Variants in PCBP3 observed in about 807,000 individuals in gnomAD.
The protein encoded by PCBP3 is poly(rC)-binding protein 3.
A neutral mutation model predicts 52.7 loss-of-function variants in PCBP3; 25 were observed. The observed-to-expected ratio is 0.47, with a 90% CI of 0.35 to 0.66. The LOEUF (loss-of-function observed/expected upper bound fraction) is 0.66. Among genes scored for constraint, PCBP3 ranks in the 30% least tolerant of loss-of-function variants. The pLI, the probability that PCBP3 is intolerant of heterozygous loss-of-function variation, is 0.01. For synonymous variants in PCBP3, 162 were observed against 183.0 expected, an observed-to-expected ratio of 0.89 and a Z score of 0.93; for missense variants, 391 against 490.3, an observed-to-expected ratio of 0.80 and a Z score of 1.91.
At chr21:45,706,733 A>T (rs2083474078) in intron 2 of PCBP3, among the ~76,000 whole-genome samples, 1 of 152,248 alleles carries the variant, frequency 6.6e-6, no homozygotes, top group South Asian at 2.1e-4. Flanking sequence ...GATGTGGAGC[A>T]TCCACCATGT....
intron 5 of PCBP3, among the ~76,000 whole-genome samples, chr21:45,894,387 A>G (rs960548711): frequency 6.6e-6 from 1 of 151,854 alleles, no homozygotes; most frequent in Admixed American, 6.6e-5. Flanking sequence ...AAAGGGAGGC[A>G]CAGAGCTCCA....
chr21:45,824,960 C>T (rs929589538), intron 4 of PCBP3, among the ~76,000 whole-genome samples: 3 of 152,218 alleles, frequency 2.0e-5, no homozygotes, highest in Non-Finnish European at 2.9e-5. Flanking sequence ...AGTACAACTT[C>T]GTTTGAAAGA....
At chr21:45,730,530 A>G (rs1051619545) in intron 2 of PCBP3, among the ~76,000 whole-genome samples, 5 of 152,182 alleles carry the variant, frequency 3.3e-5, no homozygotes, top group Admixed American at 1.3e-4. Context: ...AGTGTTCTAT[A>G]AATGTCAGTT....
At position 45,724,687 on chromosome 21, in the gene PCBP3, C is replaced by T. The variant is rs935003059; in HGVS notation, c.-199-10705C>T. ...GGGGAACAGCAAGGGTGGGGTGCCT[C>T]GGTGGGATCTGAAAGAGAACCCGCC... On this transcript the variant is annotated intron_variant, in intron 2 of 17. Transcript: ENST00000681687. This position sits in a 1 kb window ranked among gnomAD's most constrained non-coding sequence, Gnocchi z 5.3. Among the ~76,000 whole-genome samples the T allele has an allele frequency of 6.6e-6, 1 of 151,912 alleles. No individual in the cohort carries two copies. Among genetic ancestry groups the T allele is most frequent in the African/African-American group, 2.4e-5 (1 of 41,338 alleles).
intron 2 of PCBP3, among the ~76,000 whole-genome samples, chr21:45,728,938 A>G (rs933783966): frequency 2.0e-5 from 3 of 152,224 alleles, no homozygotes; most frequent in African/African-American, 7.2e-5. Flanking sequence ...AAATGCAATT[A>G]AAGTACACCA....
chr21:45,819,662 C>T (rs867398097), intron 4 of PCBP3, among the ~76,000 whole-genome samples: 1 of 151,878 alleles, frequency 6.6e-6, no homozygotes, highest in Non-Finnish European at 1.5e-5. Flanking sequence ...CAGGTGCTAT[C>T]TTGGCTGAGG....
intron 5 of PCBP3, among the ~76,000 whole-genome samples, chr21:45,852,964 A>C (rs1298343995): frequency 6.6e-6 from 1 of 152,254 alleles, no homozygotes; most frequent in East Asian, 1.9e-4. Context: ...TGGTGAAGAG[A>C]TGTGCAAACT....
chr21:45,731,082 C>A (rs1243121405), intron 2 of PCBP3, among the ~76,000 whole-genome samples: 1 of 152,096 alleles, frequency 6.6e-6, no homozygotes, highest in Non-Finnish European at 1.5e-5. Context: ...TTCTATTTTT[C>A]CCACTTGTTA....
At chr21:45,773,328 G>T (rs1251135586) in intron 4 of PCBP3, among the ~76,000 whole-genome samples, 1 of 152,222 alleles carries the variant, frequency 6.6e-6, no homozygotes, top group Non-Finnish European at 1.5e-5. Flanking sequence ...TATGGTGAGA[G>T]ATAAGGTCGA....
chr21:45,822,586 G>A (rs962537575), intron 4 of PCBP3, among the ~76,000 whole-genome samples: 6 of 152,028 alleles, frequency 3.9e-5, no homozygotes, highest in African/African-American at 1.2e-4. Context: ...GATTAGGAGA[G>A]CAAGGGGCGG....
chr21:45,675,606 G>A (rs565642666), intron 2 of PCBP3, among the ~76,000 whole-genome samples: 3 of 152,288 alleles, frequency 2.0e-5, no homozygotes, highest in East Asian at 1.9e-4. Flanking sequence ...AAAGCAGAGC[G>A]GGGCCTCAAA....
At chr21:45,781,602 G>A (rs561289426) in intron 4 of PCBP3, among the ~76,000 whole-genome samples, 2 of 152,102 alleles carry the variant, frequency 1.3e-5, no homozygotes, top group African/African-American at 4.8e-5. Context: ...TATTAAATAC[G>A]TACCTACCAA....
At chr21:45,675,383 C>T (rs1005139754) in intron 2 of PCBP3, among the ~76,000 whole-genome samples, 1 of 152,146 alleles carries the variant, frequency 6.6e-6, no homozygotes, top group Non-Finnish European at 1.5e-5. Context: ...CCTAGGGAAC[C>T]CACAGGCAAG....
chr21:45,898,227 G>A (rs935454779), intron 6 of PCBP3, among the ~76,000 whole-genome samples: 4 of 152,284 alleles, frequency 2.6e-5, no homozygotes, highest in East Asian at 1.9e-4. Flanking sequence ...CTCTGTGGGG[G>A]AGGTGCCATG....
chr21:45,855,072 G>A (rs2148315124), intron 5 of PCBP3, among the ~76,000 whole-genome samples: 1 of 152,286 alleles, frequency 6.6e-6, no homozygotes, highest in South Asian at 2.1e-4. Flanking sequence ...GTGGTGCCAG[G>A]AATGGCCAAG....
At chr21:45,742,102 TTTTG>T (rs1456678513) in intron 3 of PCBP3, among the ~76,000 whole-genome samples, 4 of 152,208 alleles carry the variant, frequency 2.6e-5, no homozygotes, top group Non-Finnish European at 2.9e-5. Context: ...ATTATTCCCT[TTTTG>T]TTTATTTTTT....
intron 15 of PCBP3, among the ~76,000 whole-genome samples, chr21:45,934,197 C>T (rs576590009): frequency 3.1e-4 from 47 of 152,110 alleles, no homozygotes; most frequent in Non-Finnish European, 6.8e-4. Context: ...CTGGGGTCTC[C>T]AGGGCCCAGG....
intron 4 of PCBP3, among the ~76,000 whole-genome samples, chr21:45,832,933 C>T (rs1309777937): frequency 6.6e-6 from 1 of 152,130 alleles, no homozygotes; most frequent in Non-Finnish European, 1.5e-5. Context: ...CATCAGATCT[C>T]GTGAGAACTC....
chr21:45,787,045 C>T (rs2091212308), intron 4 of PCBP3, among the ~76,000 whole-genome samples: 1 of 152,174 alleles, frequency 6.6e-6, no homozygotes, highest in African/African-American at 2.4e-5. Context: ...GCCTGATCCT[C>T]ATCTATAAAA....
Sources: allele counts gnomAD v4.1 joint callset (sites outside exome capture counted in the v4.1 genomes callset), GRCh38; gene constraint gnomAD v4.1.1; non-coding constraint Gnocchi (gnomAD v3.1); transcripts MANE v1.5; gene names NCBI Gene and HGNC (gene_info 2026-07-23, HGNC 2026-07-21).